RIMS1: variants seen among roughly 807,000 people sequenced by gnomAD.
RIMS1 encodes the protein regulating synaptic membrane exocytosis protein 1.
A neutral mutation model predicts 214.1 loss-of-function variants in RIMS1; 83 were observed. That is an observed-to-expected ratio of 0.39 (90% CI 0.32 to 0.47). RIMS1 has a LOEUF of 0.47. RIMS1 is among the 20% of genes least tolerant of loss of function. The probability of loss-of-function intolerance (pLI) is 0.99; values close to 1 mark genes in which losing one functional copy is unlikely to be tolerated. For synonymous variants in RIMS1, 793 were observed against 786.8 expected, an observed-to-expected ratio of 1.01 and a Z score of -0.13; for missense variants, 2,050 against 2,161.8, an observed-to-expected ratio of 0.95 and a Z score of 1.03.
chr6:72,333,529 T>C, intron 28 of RIMS1, 71 bp from the exon 29 acceptor site: 1 of 1,216,134 alleles, frequency 8.2e-7, no homozygotes, highest in South Asian at 1.4e-5. Context: ...CAAAATAAAT[T>C]AGATTTAGAA....
At chr6:72,194,709 G>A (rs537859895) in intron 6 of RIMS1, among the ~76,000 whole-genome samples, 117 of 152,038 alleles carry the variant, frequency 7.7e-4, no homozygotes, top group Non-Finnish European at 1.5e-3. Flanking sequence ...AGCCTTTATA[G>A]TCAATATAAT....
chr6:71,961,094 G>T (rs953161283), intron 1 of RIMS1, among the ~76,000 whole-genome samples: 1 of 152,066 alleles, frequency 6.6e-6, no homozygotes, highest in Admixed American at 6.6e-5. Context: ...TTGAGGCAAA[G>T]TTTCTGCCTC....
chr6:71,931,025 G>A (rs979597581), intron 1 of RIMS1, among the ~76,000 whole-genome samples: 1 of 151,954 alleles, frequency 6.6e-6, no homozygotes, highest in African/African-American at 2.4e-5. Context: ...TTTGACACTT[G>A]GAATAGATTT....
chr6:71,916,744 A>G (rs1439688572), intron 1 of RIMS1, among the ~76,000 whole-genome samples: 1 of 152,178 alleles, frequency 6.6e-6, no homozygotes, highest in Non-Finnish European at 1.5e-5. Flanking sequence ...CTTGATTCAT[A>G]GGCAGACTTG....
chr6:72,187,940 G>T (rs1358876632), intron 6 of RIMS1, among the ~76,000 whole-genome samples: 2 of 152,186 alleles, frequency 1.3e-5, no homozygotes, highest in Non-Finnish European at 2.9e-5. Context: ...CTGTCTGCAA[G>T]CTGAAGAGCA....
In RIMS1 at chr6:72,165,703, G is replaced by T. The variant is rs142030248; in HGVS notation, c.472-13872G>T. The stretch of plus-strand genomic sequence containing the variant: ...TTTTAATTCAATCAGAGATTGAACA[G>T]ATTTGAAGCTGGAACCCATGAATAT... On this transcript the variant is annotated intron_variant, in intron 4 of 33. Coordinates refer to ENST00000521978, the MANE Select transcript of RIMS1 (RefSeq NM_014989.7). Among the ~76,000 whole-genome samples the T allele has an allele frequency of 2.2e-4, 34 of 152,206 alleles. No homozygotes were observed. The East Asian group carries it at 4.4e-3, about 20-fold the overall frequency.
At chr6:72,168,108 G>T (rs554085820) in intron 4 of RIMS1, among the ~76,000 whole-genome samples, 1 of 152,272 alleles carries the variant, frequency 6.6e-6, no homozygotes, top group Admixed American at 6.5e-5. Context: ...AATGGGGATA[G>T]ACATGAGGGA....
chr6:72,271,289 AT>A (rs1563345653), intron 22 of RIMS1, among the ~76,000 whole-genome samples: 18 of 13,982 alleles, frequency 1.3e-3, no homozygotes, highest in African/African-American at 6.2e-3. Flanking sequence ...AAAAAAAAAT[AT>A]ATATATATAT....
chr6:72,262,144 C>A, intron 19 of RIMS1: 7 of 981,324 alleles, frequency 7.1e-6, no homozygotes, highest in Non-Finnish European at 8.5e-6. Context: ...TTCTAGGATA[C>A]TCACACCAGT....
At chr6:72,080,046 G>A in intron 2 of RIMS1, among the ~76,000 whole-genome samples, 1 of 130,896 alleles carries the variant, frequency 7.6e-6, no homozygotes, top group East Asian at 2.3e-4. Context: ...AGACCAGCCT[G>A]GCCAACGTGG....
chr6:71,912,121 G>C (rs767448336), intron 1 of RIMS1, among the ~76,000 whole-genome samples: 14 of 152,088 alleles, frequency 9.2e-5, no homozygotes, highest in Middle Eastern at 3.2e-3. Flanking sequence ...TTTGGAATTA[G>C]GTATAGAAGA....
intron 26 of RIMS1, among the ~76,000 whole-genome samples, chr6:72,292,800 A>AT (rs2093598051): frequency 1.3e-5 from 2 of 152,090 alleles, no homozygotes; most frequent in Admixed American, 1.3e-4. Context: ...TTGGTAAGCA[A>AT]TTTACTAAAA....
intron 6 of RIMS1, among the ~76,000 whole-genome samples, chr6:72,208,212 A>G (rs1319416513): frequency 6.6e-6 from 1 of 152,228 alleles, no homozygotes; most frequent in Non-Finnish European, 1.5e-5. Flanking sequence ...AAAAACAAGC[A>G]ACAAGTCTGT....
At chr6:72,115,259 A>G (rs1052366530) in intron 4 of RIMS1, among the ~76,000 whole-genome samples, 1 of 151,946 alleles carries the variant, frequency 6.6e-6, no homozygotes, top group African/African-American at 2.4e-5. Context: ...AAAGAATAGT[A>G]TTATTAGAAA....
chr6:72,128,408 A>T (rs1023374690), intron 4 of RIMS1, among the ~76,000 whole-genome samples: 1 of 136,052 alleles, frequency 7.4e-6, no homozygotes, highest in Non-Finnish European at 1.7e-5. Flanking sequence ...TCCTTTTTTA[A>T]AAAAAAATTG....
chr6:72,262,840 TA>T, intron 19 of RIMS1: 1 of 708,658 alleles, frequency 1.4e-6, no homozygotes, highest in Non-Finnish European at 1.7e-6. Context: ...CTTATAAAAA[TA>T]AAATCTGAGG....
At chr6:72,326,555 T>C (rs561487939) in intron 28 of RIMS1, among the ~76,000 whole-genome samples, 16 of 151,896 alleles carry the variant, frequency 1.1e-4, no homozygotes, top group Non-Finnish European at 2.1e-4. Context: ...ATTGATTTTA[T>C]CCACATTACT....
At chr6:72,212,213 T>A (rs899066609) in intron 6 of RIMS1, among the ~76,000 whole-genome samples, 6 of 151,972 alleles carry the variant, frequency 3.9e-5, no homozygotes, top group African/African-American at 1.4e-4. Context: ...AAATATATAA[T>A]TTTTTTCATA....
At chr6:72,364,138 C>T (rs1024103005) in intron 29 of RIMS1, among the ~76,000 whole-genome samples, 13 of 152,322 alleles carry the variant, frequency 8.5e-5, no homozygotes, top group African/African-American at 2.9e-4. Context: ...ATTAAAATAA[C>T]TCTATTCTGG....
Sources: gnomAD v4.1 joint callset for allele counts (sites outside exome capture counted in the v4.1 genomes callset) on GRCh38, gnomAD v4.1.1 for gene constraint, MANE v1.5 for transcripts, NCBI Gene and HGNC (gene_info 2026-07-23, HGNC 2026-07-21) for gene names.